TSPAN5: variants seen among roughly 807,000 people sequenced by gnomAD.
TSPAN5 encodes the protein tetraspanin-5.
In TSPAN5, 10 loss-of-function variants were observed where a neutral mutation model predicts 37.1. The ratio of observed to expected loss-of-function variants is 0.27; its 90% CI spans 0.17 to 0.46. The LOEUF is 0.46. Ranked by LOEUF, TSPAN5 falls within the 20% of genes least tolerant of loss-of-function variation. The pLI is 1.00. For missense variants in TSPAN5, 195 were observed against 326.6 expected (o/e 0.60, Z 3.11); for synonymous variants, 110 against 118.9 (o/e 0.93, Z 0.48).
At chr4:98,535,715 G>T (rs1053912843) in intron 1 of TSPAN5, among the ~76,000 whole-genome samples, 1 of 152,144 alleles carries the variant, frequency 6.6e-6, no homozygotes, top group African/African-American at 2.4e-5. Flanking sequence ...ATATTTGTTG[G>T]AGGCTTTGCT....
intron 1 of TSPAN5, among the ~76,000 whole-genome samples, chr4:98,542,418 A>G (rs2110142902): frequency 1.3e-5 from 2 of 152,352 alleles, no homozygotes; most frequent in South Asian, 4.2e-4. Flanking sequence ...TGCCTTGTAA[A>G]GACTCCATGA....
intron 1 of TSPAN5, among the ~76,000 whole-genome samples, chr4:98,563,653 C>A (rs1164952761): frequency 3.3e-5 from 5 of 152,186 alleles, no homozygotes; most frequent in African/African-American, 9.7e-5. Flanking sequence ...CACTTCAGGG[C>A]ATTTTCAAAT....
intron 2 of TSPAN5, among the ~76,000 whole-genome samples, chr4:98,504,244 G>A (rs145308719): frequency 2.2e-4 from 34 of 152,212 alleles, no homozygotes; most frequent in African/African-American, 5.5e-4. Context: ...AGTAAATGTC[G>A]CCACATCTGG....
chr4:98,621,244 C>T (rs1470755978), intron 1 of TSPAN5, among the ~76,000 whole-genome samples: 3 of 152,132 alleles, frequency 2.0e-5, no homozygotes, highest in African/African-American at 7.2e-5. Context: ...AGAAACCAAC[C>T]CTGTGACACC....
chr4:98,513,760 C>A (rs1170281996), intron 1 of TSPAN5, among the ~76,000 whole-genome samples: 1 of 151,874 alleles, frequency 6.6e-6, no homozygotes, highest in African/African-American at 2.4e-5. Flanking sequence ...TATCTGAATT[C>A]TCTTTGAAAT....
At chr4:98,555,498 CTAATTA>C (rs1358747117) in intron 1 of TSPAN5, among the ~76,000 whole-genome samples, 2 of 152,084 alleles carry the variant, frequency 1.3e-5, no homozygotes, top group Admixed American at 1.3e-4. Flanking sequence ...ATTATTCCTT[CTAATTA>C]TATCTGTAGT....
At chr4:98,551,492 C>CTTTTTTTT (rs35415457) in intron 1 of TSPAN5, among the ~76,000 whole-genome samples, 26 of 92,236 alleles carry the variant, frequency 2.8e-4, no homozygotes, top group African/African-American at 1.0e-3. Context: ...TTTTTCTTTT[C>CTTTTTTTT]TTTTTTTTTT....
At chr4:98,621,346 T>C (rs1756474966) in intron 1 of TSPAN5, among the ~76,000 whole-genome samples, 1 of 148,188 alleles carries the variant, frequency 6.7e-6, no homozygotes, top group Non-Finnish European at 1.5e-5. Flanking sequence ...ACAGCAACCC[T>C]AGGGAACCAA....
chr4:98,590,705 C>G (rs1436580400), intron 1 of TSPAN5, among the ~76,000 whole-genome samples: 4 of 142,092 alleles, frequency 2.8e-5, no homozygotes, highest in African/African-American at 5.5e-5. Flanking sequence ...GCGAGACTGT[C>G]TCAAAAAAAA....
intron 1 of TSPAN5, among the ~76,000 whole-genome samples, chr4:98,524,539 T>A (rs539985305): frequency 6.6e-6 from 1 of 152,238 alleles, no homozygotes; most frequent in Non-Finnish European, 1.5e-5. Flanking sequence ...ATTTTAAACT[T>A]CCTCCTCTTA....
rs377074704 is a variant in TSPAN5 at position 98,470,964 on chromosome 4, A to C, written c.*1558T>G. 26 of 152,282 alleles carry C rather than the reference A, an allele frequency of 1.7e-4. No homozygotes were observed. The highest frequency in any genetic ancestry group is 5.3e-4 in the African/African-American group (22 of 41,546). The allele number at this position is 152,282 out of a possible 1,614,324, so 9.4% of individuals were successfully genotyped here. Reference sequence around the variant, plus strand: ...GGTTTTCCCAGAGTTCCACAGACTGATATCTGCTCCCCAGGAGGGCAACAT... The same window carrying C: ...GGTTTTCCCAGAGTTCCACAGACTGCTATCTGCTCCCCAGGAGGGCAACAT... On this transcript the variant is annotated 3_prime_UTR_variant, in exon 8 of 8. Coordinates refer to ENST00000305798, the MANE Select transcript of TSPAN5 (RefSeq NM_005723.4).
At chr4:98,519,961 C>T (rs1480383806) in intron 1 of TSPAN5, among the ~76,000 whole-genome samples, 3 of 152,128 alleles carry the variant, frequency 2.0e-5, no homozygotes, top group Non-Finnish European at 4.4e-5. Context: ...AATGAGATAA[C>T]GCATGTGCTC....
rs552215661 is a variant in TSPAN5, at chr4:98,556,254, T to C, written c.82-48526A>G. ...AGATGATTGTTATACAACTTTAGGA[T>C]GACCCATGCTTTCCTGTCTCAGGAA... On this transcript the variant is annotated intron_variant, in intron 1 of 7. Coordinates refer to ENST00000305798, the MANE Select transcript of TSPAN5 (RefSeq NM_005723.4). 2.6e-5 allele frequency among the ~76,000 whole-genome samples: 4 copies of C among 152,276 alleles called. No individual in the cohort carries two copies. The South Asian group carries it at 8.3e-4, about 32-fold the overall frequency.
intron 1 of TSPAN5, among the ~76,000 whole-genome samples, chr4:98,525,413 C>G (rs1753939230): frequency 6.6e-6 from 1 of 152,124 alleles, no homozygotes; most frequent in Non-Finnish European, 1.5e-5. Flanking sequence ...CTGAAGTGTC[C>G]ACACGGTCCC....
At chr4:98,640,687 T>C (rs1407775352) in intron 1 of TSPAN5, among the ~76,000 whole-genome samples, 2 of 152,120 alleles carry the variant, frequency 1.3e-5, no homozygotes, top group Admixed American at 6.5e-5. Flanking sequence ...TCTCCTCCAA[T>C]GGGTGGGGGA....
At chr4:98,609,256 T>C (rs1756120796) in intron 1 of TSPAN5, among the ~76,000 whole-genome samples, 1 of 139,176 alleles carries the variant, frequency 7.2e-6, no homozygotes, top group Non-Finnish European at 1.6e-5. Flanking sequence ...CCTGACTATT[T>C]AGGTCGGATT....
chr4:98,566,378 C>G (rs959770965), intron 1 of TSPAN5, among the ~76,000 whole-genome samples: 1 of 152,030 alleles, frequency 6.6e-6, no homozygotes, highest in Admixed American at 6.5e-5. Flanking sequence ...GGATGCATCT[C>G]TCCCCTAAAC....
chr4:98,612,613 A>G (rs1406476602), intron 1 of TSPAN5, among the ~76,000 whole-genome samples: 1 of 152,198 alleles, frequency 6.6e-6, no homozygotes, highest in Non-Finnish European at 1.5e-5. Flanking sequence ...TCATTTCATA[A>G]CCAAGACACT....
intron 1 of TSPAN5, among the ~76,000 whole-genome samples, chr4:98,578,608 T>C (rs1482562862): frequency 6.6e-6 from 1 of 152,090 alleles, no homozygotes; most frequent in East Asian, 1.9e-4. Flanking sequence ...GTAGTAAAGA[T>C]GGGGTTTTGC....
Sources: gnomAD v4.1 joint callset for allele counts (sites outside exome capture counted in the v4.1 genomes callset) on GRCh38, gnomAD v4.1.1 for gene constraint, MANE v1.5 for transcripts, NCBI Gene and HGNC (gene_info 2026-07-23, HGNC 2026-07-21) for gene names.